HMCN1: variants seen among roughly 807,000 people sequenced by gnomAD.
The protein encoded by HMCN1 is hemicentin 1.
In HMCN1, 321 loss-of-function variants were observed where a neutral mutation model predicts 625.9. The observed-to-expected ratio is 0.51, with a 90% CI of 0.47 to 0.56. The LOEUF is 0.56. Ranked by LOEUF, HMCN1 falls within the 20% of genes least tolerant of loss-of-function variation. HMCN1 has a pLI of 0.00. For missense variants in HMCN1, 6,588 were observed against 6,887.3 expected, an observed-to-expected ratio of 0.96 and a Z score of 1.54; for synonymous variants, 2,425 against 2,417.6, an observed-to-expected ratio of 1.00 and a Z score of -0.09.
intron 36 of HMCN1, among the ~76,000 whole-genome samples, chr1:186,037,157 T>TG (rs1655886778): frequency 6.8e-6 from 1 of 147,706 alleles, no homozygotes; most frequent in East Asian, 2.0e-4. Flanking sequence ...TTAAAATGTG[T>TG]TTTTTTTTTC....
intron 11 of HMCN1, among the ~76,000 whole-genome samples, chr1:185,945,045 T>A (rs1325833618): frequency 6.6e-6 from 1 of 152,204 alleles, no homozygotes; most frequent in African/African-American, 2.4e-5. Flanking sequence ...TTGTATATAA[T>A]AACATAAATA....
At chr1:186,119,966 C>G in intron 79 of HMCN1, 45 bp from the exon 80 acceptor site, 1 of 1,613,750 alleles carries the variant, frequency 6.2e-7, no homozygotes. Flanking sequence ...TTTTAATGAA[C>G]AGGCTTTTTT....
At chr1:185,996,207 A>T (rs1282184514) in intron 24 of HMCN1, among the ~76,000 whole-genome samples, 1 of 152,174 alleles carries the variant, frequency 6.6e-6, no homozygotes, top group African/African-American at 2.4e-5. Flanking sequence ...AAATCAAACA[A>T]GGCCTCCCTT....
chr1:186,104,928 C>A (rs564300574), intron 69 of HMCN1, among the ~76,000 whole-genome samples: 1 of 152,062 alleles, frequency 6.6e-6, no homozygotes, highest in Admixed American at 6.5e-5. Flanking sequence ...TTAGGAATAG[C>A]ATGGAGACAG....
intron 42 of HMCN1, 150 bp from the exon 43 acceptor site, chr1:186,052,802 C>T (rs1034947736): frequency 1.5e-6 from 1 of 687,218 alleles, no homozygotes; most frequent in African/African-American, 1.8e-5. Flanking sequence ...CTACATCTTA[C>T]AGGTGACTTT....
intron 1 of HMCN1, among the ~76,000 whole-genome samples, chr1:185,826,827 C>T (rs1208454): frequency 0.013 from 1,957 of 152,224 alleles, 19 homozygotes; most frequent in Non-Finnish European, 0.017. Flanking sequence ...CCATTCCCTT[C>T]GCCACATGAA....
chr1:186,064,256 AT>A (rs969573479), intron 48 of HMCN1, among the ~76,000 whole-genome samples: 6 of 151,876 alleles, frequency 4.0e-5, no homozygotes, highest in African/African-American at 7.2e-5. Context: ...TGGTTTTAAA[AT>A]TTTTTTTAAG....
chr1:185,753,955 G>T (rs1654975831), intron 1 of HMCN1, among the ~76,000 whole-genome samples: 1 of 152,188 alleles, frequency 6.6e-6, no homozygotes. Context: ...GTATGTAGAA[G>T]AGATATCTGC....
intron 9 of HMCN1, among the ~76,000 whole-genome samples, chr1:185,926,161 GA>G (rs1281705013): frequency 6.6e-6 from 1 of 152,158 alleles, no homozygotes; most frequent in Admixed American, 6.5e-5. Flanking sequence ...AACATTTTGG[GA>G]AAATCTCTGG....
At chr1:186,052,087 A>G (rs1656990344) in intron 42 of HMCN1, among the ~76,000 whole-genome samples, 1 of 152,024 alleles carries the variant, frequency 6.6e-6, no homozygotes, top group African/African-American at 2.4e-5. Flanking sequence ...GTGTAAGAAC[A>G]CATATCAAAC....
chr1:185,802,557 G>A (rs1658870861), intron 1 of HMCN1, among the ~76,000 whole-genome samples: 1 of 152,134 alleles, frequency 6.6e-6, no homozygotes, highest in Non-Finnish European at 1.5e-5. Flanking sequence ...CCAGAATCAA[G>A]GATGAAAGAG....
At chr1:186,182,111 TCA>T (rs1652970275) in intron 104 of HMCN1, 55 bp from the exon 105 acceptor site, 1 of 1,603,788 alleles carries the variant, frequency 6.2e-7, no homozygotes, top group Non-Finnish European at 8.5e-7. Context: ...GTTGGCTCTG[TCA>T]CAGTGTCTGC....
At chr1:185,766,994 G>A (rs1040328556) in intron 1 of HMCN1, among the ~76,000 whole-genome samples, 11 of 149,176 alleles carry the variant, frequency 7.4e-5, no homozygotes, top group Non-Finnish European at 1.3e-4. Context: ...GGAAAAAATA[G>A]AATTCAGAGA....
At chr1:185,932,534 A>G (rs1399105505) in intron 10 of HMCN1, among the ~76,000 whole-genome samples, 17 of 152,172 alleles carry the variant, frequency 1.1e-4, no homozygotes, top group Non-Finnish European at 1.8e-4. Context: ...TTGCTACAGG[A>G]GATCATTTTA....
In HMCN1 at chr1:185,994,914, T is replaced by G. The variant is rs1288322264; in HGVS notation, c.3605T>G (p.Ile1202Ser). The change falls in exon 24 of 107, where the codon ATC becomes AGC. Residue 1202 changes from isoleucine (I) to serine (S), a missense_variant. Physicochemically the swap from Ile to Ser is moderately radical, Grantham distance 142. Transcript: ENST00000271588. ...GCTCAAGGGACTCCTCTTCCTGTAA[T>G]CACCTGGTCCAAAGGTGGAAGCACT... The part of the protein sequence containing the change: ...CNAQGTPLPV[I>S]TWSKGGSTML... 1 of 1,613,778 alleles carries G rather than the reference T, an allele frequency of 6.2e-7. No individual in the cohort carries two copies. Among genetic ancestry groups the G allele is most frequent in the Non-Finnish European group, 8.5e-7 (1 of 1,179,846 alleles).
Position 186,019,583 on chromosome 1 carries a change from TG to T in HMCN1, c.5515del (p.Val1839Ter). 6.2e-7 allele frequency: 1 copy of T among 1,610,832 alleles called. No individual in the cohort carries two copies. ...IKSSGLSERVVVKYKPVALQC... is the reference protein window; with the variant it reads ...IKSSGLSERVXVKYKPVALQC... ...TCCTCAGGCCTTTCTGAGAGAGTTG[TG>T]GTAAAATACAAGCCTGTCGCCTTGC... On this transcript the variant is annotated frameshift_variant, in exon 35 of 107. Coordinates refer to ENST00000271588, the MANE Select transcript of HMCN1 (RefSeq NM_031935.3). LOFTEE classifies it high-confidence loss of function.
rs1031028726 is a variant in HMCN1 at position 185,925,899 on chromosome 1, G to A, written c.1430+708G>A. On this transcript the variant is annotated intron_variant, in intron 9 of 106. Coordinates refer to ENST00000271588, the MANE Select transcript of HMCN1 (RefSeq NM_031935.3). ...TGGCTGAAGCCCATTGAGCCAGGAG[G>A]AGAAGGGGAGCAGAGAAGGTCAGAG... Among the ~76,000 whole-genome samples the A allele has an allele frequency of 3.9e-5, 6 of 152,210 alleles. No homozygotes were observed. The South Asian group carries it at 6.2e-4, about 16-fold the overall frequency.
intron 47 of HMCN1, 106 bp from the exon 48 acceptor site, chr1:186,062,408 G>T (rs1209510247): frequency 6.9e-6 from 5 of 724,396 alleles, no homozygotes; most frequent in Non-Finnish European, 1.2e-5. Flanking sequence ...GTGGATTGGG[G>T]GATTTGTTTT....
In HMCN1 at chr1:186,122,967, C is replaced by A; in HGVS notation, c.12246C>A (p.Ser4082Arg). ...ATATTTTAGTTCCTCCAGTCATTAG[C>A]CCTCATCTAAAGGAATATGTTATTG... is the stretch of plus-strand genomic sequence containing the variant. ...KLNVQVPPVI[S>R]PHLKEYVIAV... Residue 4082 changes from serine to arginine, a missense_variant, in exon 81 of 107, where the codon AGC becomes AGA. Around this residue, in one of 3 missense-constraint regions of HMCN1, gnomAD observed 1,954 missense variants for 2,013.1 expected, o/e 0.97. Transcript: ENST00000271588. 3 of 1,613,858 alleles carry A rather than the reference C, an allele frequency of 1.9e-6. No homozygotes were observed. Among genetic ancestry groups the A allele is most frequent in the Non-Finnish European group, 2.5e-6 (3 of 1,179,964 alleles).
Sources: allele counts gnomAD v4.1 joint callset (sites outside exome capture counted in the v4.1 genomes callset), GRCh38; gene constraint gnomAD v4.1.1; regional missense constraint gnomAD v4.1.1; transcripts MANE v1.5; gene names NCBI Gene and HGNC (gene_info 2026-07-23, HGNC 2026-07-21).